The following SEM1 variants were observed in gnomAD, a reference collection of about 807,000 sequenced individuals.
The protein encoded by SEM1 is 26S proteasome complex subunit SEM1.
In SEM1, 3 loss-of-function variants were observed where a neutral mutation model predicts 12.7. The ratio of observed to expected loss-of-function variants is 0.24; its 90% CI spans 0.11 to 0.61. The LOEUF (loss-of-function observed/expected upper bound fraction) is 0.61. SEM1 is among the 20% of genes least tolerant of loss of function. The pLI is 0.88. For synonymous variants in SEM1, 30 were observed against 27.8 expected, an observed-to-expected ratio of 1.08 and a Z score of -0.25; for missense variants, 59 against 81.3, an observed-to-expected ratio of 0.73 and a Z score of 1.06.
intron 1 of SEM1, among the ~76,000 whole-genome samples, chr7:96,493,199 A>G (rs1274090163): frequency 6.6e-6 from 1 of 152,120 alleles, no homozygotes; most frequent in Non-Finnish European, 1.5e-5. Context: ...TCCTGACTTT[A>G]AGTAATCTGC....
chr7:96,538,956 G>GT (rs1804870791), intron 2 of SEM1, among the ~76,000 whole-genome samples: 1 of 151,864 alleles, frequency 6.6e-6, no homozygotes, highest in Admixed American at 6.6e-5. Flanking sequence ...GTGAGAACCT[G>GT]CTATGGTTGC....
chr7:96,494,444 T>C (rs942085833), intron 1 of SEM1, among the ~76,000 whole-genome samples: 1 of 152,054 alleles, frequency 6.6e-6, no homozygotes, highest in Non-Finnish European at 1.5e-5. Flanking sequence ...AGAGATTTTT[T>C]TTTTCCTTGA....
At chr7:96,647,516 T>G (rs1377189923) in intron 2 of SEM1, 1 of 152,170 alleles carries the variant, frequency 6.6e-6, no homozygotes, top group Non-Finnish European at 1.5e-5. Flanking sequence ...AGTGAGAACA[T>G]GGCCGTTTTC....
At chr7:96,568,519 G>T (rs1483387735) in intron 2 of SEM1, among the ~76,000 whole-genome samples, 1 of 151,300 alleles carries the variant, frequency 6.6e-6, no homozygotes, top group African/African-American at 2.4e-5. Context: ...TTATTTTATT[G>T]GTGATGACAA....
intron 2 of SEM1, among the ~76,000 whole-genome samples, chr7:96,678,206 ATTCAT>A (rs1436496461): frequency 6.6e-6 from 1 of 152,106 alleles, no homozygotes; most frequent in Non-Finnish European, 1.5e-5. Flanking sequence ...ACCCAATTTG[ATTCAT>A]TTCTTGATTC....
downstream of SEM1, among the ~76,000 whole-genome samples, chr7:96,670,932 T>A (rs1789298122): frequency 6.6e-6 from 1 of 152,062 alleles, no homozygotes; most frequent in Non-Finnish European, 1.5e-5. Context: ...GGGAGAGAAA[T>A]CCAGTAGCTT....
chr7:96,667,158 CATAG>C (rs916175013), intron 2 of SEM1, among the ~76,000 whole-genome samples: 1 of 152,132 alleles, frequency 6.6e-6, no homozygotes, highest in African/African-American at 2.4e-5. Flanking sequence ...GTTGCATAAA[CATAG>C]ATAAAGAGGC....
intron 1 of SEM1, among the ~76,000 whole-genome samples, chr7:96,709,322 G>A (rs553922073): frequency 1.4e-4 from 21 of 152,302 alleles, no homozygotes; most frequent in African/African-American, 4.8e-4. Context: ...TAAAGACAAA[G>A]AAAGACTGCT....
At chr7:96,555,233 T>G (rs1294173432) in intron 2 of SEM1, among the ~76,000 whole-genome samples, 2 of 152,084 alleles carry the variant, frequency 1.3e-5, no homozygotes, top group Admixed American at 1.3e-4. Flanking sequence ...CCTTCTGCTA[T>G]CTTTTGAATG....
rs1327297536 is a variant in SEM1 at position 96,626,405 on chromosome 7, A to C, written c.171-3762T>G. On this transcript the variant is annotated intron_variant, in intron 2 of 2. Coordinates refer to the SEM1 transcript ENST00000417009. ...GTATTACATCGTATGTAAGTACTAC[A>C]TTTTCTTTATTGATTCATCTGTTAA... Among the ~76,000 whole-genome samples, 4 of 152,126 alleles carry C rather than the reference A, an allele frequency of 2.6e-5. No homozygotes were observed. In the East Asian group the frequency reaches 5.8e-4, roughly 22 times the overall value.
chr7:96,608,179 T>G (rs1263882013), intron 2 of SEM1, among the ~76,000 whole-genome samples: 1 of 152,086 alleles, frequency 6.6e-6, no homozygotes, highest in Non-Finnish European at 1.5e-5. Context: ...AGAAGTTACT[T>G]GGTAGGCAAG....
chr7:96,700,409 G>C (rs529623117), intron 1 of SEM1, among the ~76,000 whole-genome samples: 58 of 152,232 alleles, frequency 3.8e-4, no homozygotes, highest in Middle Eastern at 3.4e-3. Flanking sequence ...CGGGGTACTT[G>C]TTCCAGGACA....
intron 2 of SEM1, among the ~76,000 whole-genome samples, chr7:96,653,296 G>GA (rs1233835838): frequency 6.6e-6 from 1 of 152,130 alleles, no homozygotes; most frequent in African/African-American, 2.4e-5. Context: ...TTCCTAATAG[G>GA]AAAAAATGGA....
intron 2 of SEM1, among the ~76,000 whole-genome samples, chr7:96,509,686 T>C (rs1052183202): frequency 4.6e-5 from 7 of 152,122 alleles, no homozygotes; most frequent in East Asian, 1.9e-4. Context: ...ATCTGACATA[T>C]ACATACAATG....
At chr7:96,664,119 T>G (rs1485220119) in intron 2 of SEM1, 1 of 152,174 alleles carries the variant, frequency 6.6e-6, no homozygotes, top group Non-Finnish European at 1.5e-5. Flanking sequence ...CACTCTTAGT[T>G]ATATATCTGT....
intron 2 of SEM1, among the ~76,000 whole-genome samples, chr7:96,510,564 C>A (rs1803906290): frequency 1.3e-5 from 2 of 152,130 alleles, no homozygotes; most frequent in Admixed American, 6.6e-5. Flanking sequence ...GGTTATGTAA[C>A]ACATGACTGT....
At position 96,518,281 on chromosome 7, in the gene SEM1, C is replaced by T. The variant is rs530985551; in HGVS notation, c.171-11583G>A. On this transcript the variant is annotated intron_variant and NMD_transcript_variant, in intron 2 of 3. Coordinates refer to the SEM1 transcript ENST00000466986. Reference sequence around the variant, plus strand: ...TGGAAAGTTTCTGCCATTATTACCACTTAGCAATGGGCATAAAATATAATC... The same window carrying T: ...TGGAAAGTTTCTGCCATTATTACCATTTAGCAATGGGCATAAAATATAATC... Among the ~76,000 whole-genome samples the T allele has an allele frequency of 3.9e-5, 6 of 152,260 alleles. No individual in the cohort carries two copies. The South Asian group carries it at 1.2e-3, about 32-fold the overall frequency.
intron 1 of SEM1, among the ~76,000 whole-genome samples, chr7:96,698,256 A>T (rs1563118361): frequency 6.6e-6 from 1 of 151,684 alleles, no homozygotes; most frequent in Non-Finnish European, 1.5e-5. Flanking sequence ...TTGATTTGGG[A>T]TTTTTTTTAC....
chr7:96,555,907 G>C (rs1004940799), intron 2 of SEM1, among the ~76,000 whole-genome samples: 15 of 147,506 alleles, frequency 1.0e-4, no homozygotes, highest in African/African-American at 3.5e-4. Context: ...AGGATAGTTA[G>C]CTCTTCTTGT....
Sources: gnomAD v4.1 joint callset for allele counts (sites outside exome capture counted in the v4.1 genomes callset) on GRCh38, gnomAD v4.1.1 for gene constraint, MANE v1.5 for transcripts, NCBI Gene and HGNC (gene_info 2026-07-23, HGNC 2026-07-21) for gene names.